The following ABI1 variants were observed in gnomAD, a reference collection of about 807,000 sequenced individuals.
ABI1 encodes Abelson interactor 1.
In ABI1, 14 loss-of-function variants were observed where a neutral mutation model predicts 54.6. The ratio of observed to expected loss-of-function variants is 0.26; its 90% CI spans 0.17 to 0.40. The LOEUF is 0.40. Ranked by LOEUF, ABI1 falls within the 10% of genes least tolerant of loss-of-function variation. The pLI, the probability that ABI1 is intolerant of heterozygous loss-of-function variation, is 1.00. For synonymous variants in ABI1, 194 were observed against 209.3 expected (o/e 0.93, Z 0.63); for missense variants, 443 against 598.3 (o/e 0.74, Z 2.71).
intron 3 of ABI1, among the ~76,000 whole-genome samples, 173 bp from the exon 4 acceptor site, chr10:26,771,262 C>T (rs1840653221): frequency 6.6e-6 from 1 of 152,128 alleles, no homozygotes; most frequent in South Asian, 2.1e-4. Flanking sequence ...TGGGGAAATA[C>T]TCATGTGTTT....
chr10:26,816,022 C>T (rs1031838800), intron 2 of ABI1, among the ~76,000 whole-genome samples: 1 of 152,202 alleles, frequency 6.6e-6, no homozygotes. Context: ...AGATGAGCAT[C>T]ATTACTGGTT....
intron 2 of ABI1, among the ~76,000 whole-genome samples, chr10:26,779,010 G>A (rs186037603): frequency 1.3e-5 from 2 of 152,246 alleles, no homozygotes; most frequent in East Asian, 1.9e-4. Context: ...GAGTAATGAT[G>A]TCCTTTGTCT....
At chr10:26,761,602 GTAAA>G (rs1270244395) in intron 7 of ABI1, among the ~76,000 whole-genome samples, 3 of 98,320 alleles carry the variant, frequency 3.1e-5, no homozygotes, top group African/African-American at 4.1e-5. Flanking sequence ...TCTTTCTTCT[GTAAA>G]TAGTTTTTGT....
At chr10:26,814,197 G>A (rs2047414868) in intron 2 of ABI1, among the ~76,000 whole-genome samples, 1 of 152,204 alleles carries the variant, frequency 6.6e-6, no homozygotes, top group Admixed American at 6.5e-5. Context: ...TGAAGACTCT[G>A]ATTACAAATT....
chr10:26,751,222 C>G (rs1369565176), intron 10 of ABI1, among the ~76,000 whole-genome samples: 2 of 152,034 alleles, frequency 1.3e-5, no homozygotes, highest in Admixed American at 1.3e-4. Context: ...AATCAGGGAC[C>G]GTCCATATTT....
intron 8 of ABI1, among the ~76,000 whole-genome samples, chr10:26,757,815 C>G (rs1403609463): frequency 2.0e-5 from 3 of 152,064 alleles, no homozygotes; most frequent in Non-Finnish European, 4.4e-5. Flanking sequence ...CGCCTGTAAT[C>G]CCACCACTTT....
chr10:26,754,816 T>C (rs1331741392), intron 9 of ABI1, among the ~76,000 whole-genome samples: 2 of 152,218 alleles, frequency 1.3e-5, no homozygotes, highest in Non-Finnish European at 2.9e-5. Flanking sequence ...GTGGTATTTT[T>C]CACTTTATAT....
chr10:26,774,799 G>A (rs945740800), intron 3 of ABI1, among the ~76,000 whole-genome samples: 7 of 151,686 alleles, frequency 4.6e-5, no homozygotes, highest in Non-Finnish European at 7.4e-5. Flanking sequence ...GCCTAGTAGC[G>A]ATAAGAAAAA....
chr10:26,841,145 T>C (rs1357252973), intron 1 of ABI1, among the ~76,000 whole-genome samples: 1 of 152,214 alleles, frequency 6.6e-6, no homozygotes, highest in Non-Finnish European at 1.5e-5. Flanking sequence ...CTAAAATATT[T>C]ACTATCTGGC....
intron 2 of ABI1, among the ~76,000 whole-genome samples, chr10:26,809,433 T>A (rs2047083555): frequency 6.7e-6 from 1 of 149,372 alleles, no homozygotes; most frequent in African/African-American, 2.5e-5. Flanking sequence ...GTGGCATGCA[T>A]CTGCAGTCCT....
rs3758439 is a variant in ABI1, at chr10:26,755,534, T to G, written c.1084+121A>C. The G allele has an allele frequency of 5.8e-4, 429 of 739,324 alleles. 1 individual carries two copies. The East Asian group carries it at 0.011, about 19-fold the overall frequency. 45.8% of individuals were successfully genotyped at this position (739,324 alleles called of 1,614,324 possible). On this transcript the variant is annotated intron_variant, in intron 9 of 10. Coordinates refer to ENST00000376140, the MANE Select transcript of ABI1 (RefSeq NM_001012750.3). ...TGCTCTTCAGTTTCAGTAACATGTCTGCACCTATTTTCAAGATTAGCTTCT... is the reference window on the plus strand; with the variant it reads ...TGCTCTTCAGTTTCAGTAACATGTCGGCACCTATTTTCAAGATTAGCTTCT...
intron 2 of ABI1, among the ~76,000 whole-genome samples, chr10:26,782,779 A>G (rs1842289675): frequency 6.6e-6 from 1 of 151,854 alleles, no homozygotes; most frequent in South Asian, 2.1e-4. Flanking sequence ...GACACTCAAT[A>G]CCACTTATCA....
chr10:26,835,775 A>T (rs972564446), intron 1 of ABI1, among the ~76,000 whole-genome samples: 1 of 112,518 alleles, frequency 8.9e-6, no homozygotes, highest in Non-Finnish European at 1.7e-5. Flanking sequence ...ATTTTTACTA[A>T]TATTTTTTTT....
intron 10 of ABI1, among the ~76,000 whole-genome samples, chr10:26,750,067 A>C (rs1295756638): frequency 6.6e-6 from 1 of 152,234 alleles, no homozygotes; most frequent in Non-Finnish European, 1.5e-5. Context: ...CAAGTAAGAA[A>C]ATATGGGTAA....
At chr10:26,758,751 A>C (rs1462652697) in intron 8 of ABI1, among the ~76,000 whole-genome samples, 1 of 152,218 alleles carries the variant, frequency 6.6e-6, no homozygotes, top group East Asian at 1.9e-4. Flanking sequence ...TTATTTCTGC[A>C]ATGTTTTTGT....
chr10:26,787,069 A>G (rs904715465), intron 2 of ABI1, among the ~76,000 whole-genome samples: 2 of 152,188 alleles, frequency 1.3e-5, no homozygotes, highest in African/African-American at 4.8e-5. Context: ...ATCTACCTTT[A>G]AATACCAGAA....
intron 2 of ABI1, among the ~76,000 whole-genome samples, chr10:26,805,957 G>A (rs2046848962): frequency 6.6e-6 from 1 of 152,128 alleles, no homozygotes; most frequent in African/African-American, 2.4e-5. Flanking sequence ...TGATCTCCAG[G>A]TACTTTCCTC....
At chr10:26,824,949 T>A (rs2048215820) in intron 1 of ABI1, among the ~76,000 whole-genome samples, 1 of 152,234 alleles carries the variant, frequency 6.6e-6, no homozygotes, top group Non-Finnish European at 1.5e-5. Flanking sequence ...ACTAGGTACA[T>A]GCCTTAATTA....
intron 2 of ABI1, among the ~76,000 whole-genome samples, chr10:26,800,484 A>C (rs1236155563): frequency 6.6e-6 from 1 of 152,186 alleles, no homozygotes; most frequent in African/African-American, 2.4e-5. Flanking sequence ...AATTTTCCAA[A>C]GTATCAAGGT....
Sources: allele counts gnomAD v4.1 joint callset (sites outside exome capture counted in the v4.1 genomes callset), GRCh38; gene constraint gnomAD v4.1.1; transcripts MANE v1.5; gene names NCBI Gene and HGNC (gene_info 2026-07-23, HGNC 2026-07-21).